DLG2: variants seen among roughly 807,000 people sequenced by gnomAD.
DLG2 encodes discs large MAGUK scaffold protein 2, also known as disks large homolog 2.
A neutral mutation model predicts 132.5 loss-of-function variants in DLG2; 45 were observed. That is an observed-to-expected ratio of 0.34 (90% CI 0.27 to 0.44). The LOEUF (loss-of-function observed/expected upper bound fraction) is 0.44. Among genes scored for constraint, DLG2 ranks in the 20% least tolerant of loss-of-function variants. DLG2 has a pLI of 1.00. For missense variants in DLG2, 1,045 were observed against 1,196.9 expected, an observed-to-expected ratio of 0.87 and a Z score of 1.87; for synonymous variants, 424 against 419.6, an observed-to-expected ratio of 1.01 and a Z score of -0.13.
At chr11:83,940,334 C>T (rs1247564553) in intron 14 of DLG2, among the ~76,000 whole-genome samples, 2 of 152,174 alleles carry the variant, frequency 1.3e-5, no homozygotes, top group Non-Finnish European at 2.9e-5. Flanking sequence ...ATGATTGCCA[C>T]TTGGTTTTGT....
intron 6 of DLG2, among the ~76,000 whole-genome samples, chr11:84,781,540 TA>T (rs931423816): frequency 6.6e-6 from 1 of 151,802 alleles, no homozygotes; most frequent in Non-Finnish European, 1.5e-5. Context: ...AATATAATAA[TA>T]ATAATAGAAA....
Position 84,418,468 on chromosome 11 carries a change from T to G in DLG2, c.519+116102A>C, listed in dbSNP as rs79720543. On this transcript the variant is annotated intron_variant, in intron 7 of 27. Coordinates refer to ENST00000376104, the MANE Select transcript of DLG2 (RefSeq NM_001142699.3). ...AAGGAGGTATCATTATTTTTAGAGA[T>G]GAAAGAAATGAAGTACAGAGTCATG... Among the ~76,000 whole-genome samples the G allele has an allele frequency of 2.8e-3, 429 of 152,232 alleles. 5 individuals are homozygous for G. The highest frequency in any genetic ancestry group is 9.8e-3 in the African/African-American group (409 of 41,544).
chr11:83,495,215 G>A lies in DLG2; in HGVS notation c.2194-10987C>T, dbSNP rs372323067. Among the ~76,000 whole-genome samples, 6 of 152,082 alleles carry A rather than the reference G, an allele frequency of 3.9e-5. No homozygotes were observed. The East Asian group carries it at 9.6e-4, about 24-fold the overall frequency. Reference sequence around the variant, plus strand: ...TCTATGTGGACATAAAAATTACTTCGCCGTGGTAGATGTGTGTGTCTGTTG... The same window carrying A: ...TCTATGTGGACATAAAAATTACTTCACCGTGGTAGATGTGTGTGTCTGTTG... On this transcript the variant is annotated intron_variant, in intron 21 of 27. Coordinates refer to ENST00000376104, the MANE Select transcript of DLG2 (RefSeq NM_001142699.3).
intron 5 of DLG2, among the ~76,000 whole-genome samples, chr11:85,140,055 T>C (rs1248004275): frequency 6.6e-6 from 1 of 152,058 alleles, no homozygotes; most frequent in Non-Finnish European, 1.5e-5. Context: ...AGTTTCTTTA[T>C]CCATTCACCC....
intron 17 of DLG2, chr11:83,791,130 AC>A (rs971261125): frequency 3.5e-5 from 23 of 655,512 alleles, no homozygotes; most frequent in African/African-American, 5.5e-5. Flanking sequence ...ATCTTGATGC[AC>A]GTCTCCTCAG....
At chr11:83,685,712 C>T (rs2079621263) in intron 18 of DLG2, among the ~76,000 whole-genome samples, 1 of 150,844 alleles carries the variant, frequency 6.6e-6, no homozygotes, top group African/African-American at 2.4e-5. Context: ...CAGTCTCAAT[C>T]TGTGCTCTAA....
intron 14 of DLG2, among the ~76,000 whole-genome samples, chr11:83,954,752 T>C (rs1239486079): frequency 6.6e-6 from 1 of 152,248 alleles, no homozygotes; most frequent in East Asian, 1.9e-4. Flanking sequence ...CAAAAAATCA[T>C]ATTTTAGCCA....
intron 4 of DLG2, among the ~76,000 whole-genome samples, chr11:85,188,477 A>G (rs1173239415): frequency 2.0e-5 from 3 of 152,236 alleles, no homozygotes; most frequent in Non-Finnish European, 2.9e-5. Context: ...GCAAAGAAAC[A>G]TGAAAGCGTG....
chr11:85,416,132 C>A (rs987420858), intron 3 of DLG2, among the ~76,000 whole-genome samples: 43 of 152,176 alleles, frequency 2.8e-4, no homozygotes, highest in Admixed American at 8.5e-4. Context: ...ATAGGGAATC[C>A]TTTCCCCATT....
intron 11 of DLG2, among the ~76,000 whole-genome samples, chr11:83,987,373 G>C (rs2093401549): frequency 6.6e-6 from 1 of 152,106 alleles, no homozygotes; most frequent in Non-Finnish European, 1.5e-5. Context: ...GACCAAAAAA[G>C]AGCCCGCATC....
intron 18 of DLG2, among the ~76,000 whole-genome samples, chr11:83,682,932 T>C (rs1195786025): frequency 6.6e-6 from 1 of 152,032 alleles, no homozygotes; most frequent in Non-Finnish European, 1.5e-5. Flanking sequence ...TCACACAAAG[T>C]GTGATTTGAA....
chr11:85,139,081 C>A (rs571824698), intron 5 of DLG2, among the ~76,000 whole-genome samples: 10 of 152,128 alleles, frequency 6.6e-5, no homozygotes, highest in Non-Finnish European at 1.5e-4. Flanking sequence ...CCTTCCCAAA[C>A]TGATTTCCCC....
At chr11:84,974,057 T>C (rs558398593) in intron 6 of DLG2, among the ~76,000 whole-genome samples, 1 of 152,292 alleles carries the variant, frequency 6.6e-6, no homozygotes, top group South Asian at 2.1e-4. Flanking sequence ...AGAGAAATTA[T>C]ACAGATACTG....
chr11:84,500,905 T>G (rs1408849408), intron 7 of DLG2, among the ~76,000 whole-genome samples: 1 of 152,206 alleles, frequency 6.6e-6, no homozygotes, highest in African/African-American at 2.4e-5. Flanking sequence ...GGTGATATTT[T>G]ATATGGCAAT....
intron 3 of DLG2, among the ~76,000 whole-genome samples, chr11:85,495,642 T>C (rs2093653256): frequency 6.6e-6 from 1 of 152,040 alleles, no homozygotes; most frequent in Non-Finnish European, 1.5e-5. Flanking sequence ...CAGATGCTGG[T>C]GAGGATGTGA....
chr11:84,744,855 G>A (rs953705389), intron 6 of DLG2, among the ~76,000 whole-genome samples: 5 of 134,524 alleles, frequency 3.7e-5, no homozygotes, highest in African/African-American at 1.4e-4. Flanking sequence ...TTTGAACTAC[G>A]AAAGTTTCTG....
intron 3 of DLG2, among the ~76,000 whole-genome samples, chr11:85,317,270 A>C (rs1371363269): frequency 6.6e-6 from 1 of 151,928 alleles, no homozygotes; most frequent in African/African-American, 2.4e-5. Context: ...TTTAAAAATA[A>C]TGTAAGGCCA....
chr11:84,972,528 G>A (rs1173417351), intron 6 of DLG2, among the ~76,000 whole-genome samples: 2 of 152,140 alleles, frequency 1.3e-5, no homozygotes, highest in Admixed American at 6.5e-5. Context: ...AGGACTCCTT[G>A]GGTGATTCAA....
chr11:84,307,306 A>T (rs75798025), intron 7 of DLG2, among the ~76,000 whole-genome samples: 2 of 152,166 alleles, frequency 1.3e-5, no homozygotes, highest in African/African-American at 4.8e-5. Flanking sequence ...TTGAGTACTC[A>T]TGAACACAAA....
Sources: allele counts gnomAD v4.1 joint callset (sites outside exome capture counted in the v4.1 genomes callset), GRCh38; gene constraint gnomAD v4.1.1; transcripts MANE v1.5; gene names NCBI Gene and HGNC (gene_info 2026-07-23, HGNC 2026-07-21).